Variants in FER observed in about 807,000 individuals in gnomAD.
FER encodes the protein FER tyrosine kinase, also known as tyrosine-protein kinase Fer.
A neutral mutation model predicts 111.0 loss-of-function variants in FER; 63 were observed. The observed-to-expected ratio is 0.57, with a 90% CI of 0.46 to 0.70. The LOEUF is 0.70. Among genes scored for constraint, FER ranks in the 30% least tolerant of loss-of-function variants. The probability of loss-of-function intolerance (pLI) is 0.00; values close to 1 mark genes in which losing one functional copy is unlikely to be tolerated. For missense variants in FER, 914 were observed against 954.0 expected, an observed-to-expected ratio of 0.96 and a Z score of 0.55; for synonymous variants, 327 against 313.9, an observed-to-expected ratio of 1.04 and a Z score of -0.44.
In FER at chr5:109,187,682, C is replaced by A. The variant is rs1759034918; in HGVS notation, c.*107C>A. 2 of 1,321,340 alleles carry A rather than the reference C, an allele frequency of 1.5e-6. No homozygotes were observed. The highest frequency in any genetic ancestry group is 3.0e-5 in the African/African-American group (2 of 66,924). The allele number at this position is 1,321,340 out of a possible 1,614,324, so 81.9% of individuals were successfully genotyped here. A position where few individuals can be genotyped will look rare whatever the true frequency, so the allele number is the denominator to read the frequency against. On this transcript the variant is annotated 3_prime_UTR_variant, in exon 20 of 20. Coordinates refer to ENST00000281092, the MANE Select transcript of FER (RefSeq NM_005246.4). ...ATACCACATTACCTTCGACAGTCTT[C>A]TACCATTATTTTTTATTAACTGGGT... is the stretch of plus-strand genomic sequence containing the variant.
intron 14 of FER, among the ~76,000 whole-genome samples, chr5:109,040,949 A>G (rs774575986): frequency 2.0e-4 from 31 of 152,158 alleles, no homozygotes; most frequent in Admixed American, 3.3e-4. Context: ...TATAGGGACA[A>G]GAGCCCAGAG....
At chr5:108,870,958 G>C (rs117300990) in intron 6 of FER, among the ~76,000 whole-genome samples, 1 of 152,060 alleles carries the variant, frequency 6.6e-6, no homozygotes, top group Non-Finnish European at 1.5e-5. Context: ...AACCAGTCAG[G>C]TAGAGCATGT....
intron 16 of FER, among the ~76,000 whole-genome samples, chr5:109,061,496 A>C (rs1162006322): frequency 6.6e-6 from 1 of 152,210 alleles, no homozygotes; most frequent in Admixed American, 6.5e-5. Flanking sequence ...AACATCAGTT[A>C]AATAGAAAGT....
intron 16 of FER, among the ~76,000 whole-genome samples, chr5:109,070,994 A>G (rs920644484): frequency 7.2e-5 from 11 of 152,048 alleles, no homozygotes; most frequent in Non-Finnish European, 1.3e-4. Context: ...TGTGGATAAT[A>G]TATACCATGA....
intron 17 of FER, among the ~76,000 whole-genome samples, chr5:109,173,614 G>T (rs1757363931): frequency 6.6e-6 from 1 of 152,132 alleles, no homozygotes; most frequent in Non-Finnish European, 1.5e-5. Flanking sequence ...ACCCAGGCCT[G>T]CTCAACCAGT....
intron 17 of FER, among the ~76,000 whole-genome samples, chr5:109,116,506 G>T (rs1310168887): frequency 6.6e-6 from 1 of 151,702 alleles, no homozygotes; most frequent in Non-Finnish European, 1.5e-5. Flanking sequence ...TTGACAATGT[G>T]TATGTCATCT....
intron 16 of FER, among the ~76,000 whole-genome samples, chr5:109,069,443 G>A (rs1246854910): frequency 6.6e-6 from 1 of 152,120 alleles, no homozygotes; most frequent in Non-Finnish European, 1.5e-5. Flanking sequence ...GGATACGAAT[G>A]AATAGAAGAA....
rs926801198 is a variant in FER at position 109,194,844 on chromosome 5, G to A, written c.*7269G>A. 1 of 151,630 alleles carries A rather than the reference G, an allele frequency of 6.6e-6. No individual in the cohort carries two copies. Among genetic ancestry groups the A allele is most frequent in the African/African-American group, 2.4e-5 (1 of 41,376 alleles). The allele number at this position is 151,630 out of a possible 1,614,324, so 9.4% of individuals were successfully genotyped here. A position where few individuals can be genotyped will look rare whatever the true frequency, so the allele number is the denominator to read the frequency against. On this transcript the variant is annotated 3_prime_UTR_variant, in exon 20 of 20. Transcript: ENST00000281092. ...GCTGTTGTCAAATAGTATAACCTTGGTGTCTTCTTTGAGTTGCCTGGACAG... is the reference window on the plus strand; with the variant it reads ...GCTGTTGTCAAATAGTATAACCTTGATGTCTTCTTTGAGTTGCCTGGACAG...
In FER at chr5:109,190,726, C is replaced by CAT. The variant is rs1388324543; in HGVS notation, c.*3152_*3153dup. On this transcript the variant is annotated 3_prime_UTR_variant, in exon 20 of 20. Coordinates refer to ENST00000281092, the MANE Select transcript of FER (RefSeq NM_005246.4). ...GTGAGAGGTCTCCAGTGAAAGGTCT[C>CAT]ATGTAATTGTTTCTCTTTTATCTCC... The CAT allele has an allele frequency of 7.2e-5, 11 of 152,130 alleles. No individual in the cohort carries two copies. The highest frequency in any genetic ancestry group is 1.3e-4 in the Non-Finnish European group (9 of 67,992). 9.4% of individuals were successfully genotyped at this position (152,130 alleles called of 1,614,324 possible).
At chr5:109,013,238 C>T (rs1766551488) in intron 13 of FER, among the ~76,000 whole-genome samples, 1 of 106,184 alleles carries the variant, frequency 9.4e-6, no homozygotes, top group African/African-American at 3.6e-5. Context: ...CCTCCCCCCA[C>T]CCCACAACAG....
intron 3 of FER, among the ~76,000 whole-genome samples, chr5:108,830,419 A>C (rs1478887887): frequency 1.3e-5 from 2 of 152,168 alleles, no homozygotes; most frequent in Non-Finnish European, 2.9e-5. Flanking sequence ...GCGTGACTGC[A>C]CTCCAGCCTA....
chr5:109,018,054 A>C (rs1409814979), intron 13 of FER, among the ~76,000 whole-genome samples: 2 of 151,754 alleles, frequency 1.3e-5, no homozygotes, highest in Non-Finnish European at 2.9e-5. Context: ...TGGTCAACCT[A>C]TTGTCTCCTG....
At chr5:109,016,481 A>G (rs1262356333) in intron 13 of FER, among the ~76,000 whole-genome samples, 1 of 152,094 alleles carries the variant, frequency 6.6e-6, no homozygotes, top group Non-Finnish European at 1.5e-5. Flanking sequence ...GTGTGTGAAG[A>G]AAACTGGTTT....
At chr5:109,171,961 A>C (rs977741464) in intron 17 of FER, among the ~76,000 whole-genome samples, 1 of 152,080 alleles carries the variant, frequency 6.6e-6, no homozygotes, top group Non-Finnish European at 1.5e-5. Flanking sequence ...TTAGAATGGC[A>C]ATCATTAAAA....
intron 3 of FER, among the ~76,000 whole-genome samples, chr5:108,807,062 A>G (rs1244844361): frequency 2.0e-5 from 3 of 152,122 alleles, no homozygotes; most frequent in African/African-American, 4.8e-5. Flanking sequence ...AGGTGACTGA[A>G]TTATGGAGGC....
chr5:108,872,373 C>T (rs1412063126), intron 8 of FER, among the ~76,000 whole-genome samples, 161 bp downstream of exon 8: 1 of 152,042 alleles, frequency 6.6e-6, no homozygotes, highest in Non-Finnish European at 1.5e-5. Context: ...TACTCATTTT[C>T]GTCACTACTT....
chr5:109,063,973 T>C (rs1774772033), intron 16 of FER, among the ~76,000 whole-genome samples: 1 of 152,214 alleles, frequency 6.6e-6, no homozygotes, highest in African/African-American at 2.4e-5. Flanking sequence ...CAAAATATTA[T>C]GCTCTTGGTT....
intron 13 of FER, among the ~76,000 whole-genome samples, chr5:109,033,590 A>G (rs1769945053): frequency 1.3e-5 from 2 of 152,162 alleles, no homozygotes; most frequent in South Asian, 2.1e-4. Flanking sequence ...GCATCATCAT[A>G]TAACTGAAAT....
Position 108,871,331 on chromosome 5 carries a change from T to C in FER, c.666-34T>C, listed in dbSNP as rs754421946. 3 of 1,587,488 alleles carry C rather than the reference T, an allele frequency of 1.9e-6. No individual in the cohort carries two copies. The African/African-American group carries it at 4.1e-5, about 21-fold the overall frequency. ...AGATAGTATCTCTCTTGATAAAACT[T>C]TAAAATGCTGCAAAATTTTATTTTT... On this transcript the variant is annotated intron_variant, in intron 6 of 19. Transcript: ENST00000281092.
Sources: gnomAD v4.1 joint callset for allele counts (sites outside exome capture counted in the v4.1 genomes callset) on GRCh38, gnomAD v4.1.1 for gene constraint, MANE v1.5 for transcripts, NCBI Gene and HGNC (gene_info 2026-07-23, HGNC 2026-07-21) for gene names.